The following CAMK1D variants were observed in gnomAD, a reference collection of about 807,000 sequenced individuals.
CAMK1D encodes the protein calcium/calmodulin dependent protein kinase ID.
A neutral mutation model predicts 47.7 loss-of-function variants in CAMK1D; 9 were observed. That is an observed-to-expected ratio of 0.19 (90% CI 0.11 to 0.33). The LOEUF is 0.33. Among genes scored for constraint, CAMK1D ranks in the 10% least tolerant of loss-of-function variants. CAMK1D has a pLI of 1.00. For synonymous variants in CAMK1D, 184 were observed against 184.9 expected, an observed-to-expected ratio of 0.99 and a Z score of 0.04; for missense variants, 291 against 488.7, an observed-to-expected ratio of 0.60 and a Z score of 3.81.
intron 1 of CAMK1D, among the ~76,000 whole-genome samples, chr10:12,451,913 G>A (rs1833094403): frequency 6.6e-6 from 1 of 152,166 alleles, no homozygotes; most frequent in African/African-American, 2.4e-5. Flanking sequence ...GACCACCGGG[G>A]TCCCAGGAAC....
intron 1 of CAMK1D, among the ~76,000 whole-genome samples, chr10:12,497,448 G>T (rs979223460): frequency 7.1e-6 from 1 of 140,722 alleles, no homozygotes; most frequent in Non-Finnish European, 1.5e-5. Context: ...CTGCACCTCA[G>T]CCTGGTGACG....
At chr10:12,699,786 C>G (rs1435820661) in intron 3 of CAMK1D, among the ~76,000 whole-genome samples, 1 of 151,996 alleles carries the variant, frequency 6.6e-6, no homozygotes, top group Non-Finnish European at 1.5e-5. Context: ...GGGGCATTGT[C>G]CACATAAACT....
At chr10:12,515,358 G>C (rs765312102) in intron 1 of CAMK1D, among the ~76,000 whole-genome samples, 2 of 149,412 alleles carry the variant, frequency 1.3e-5, no homozygotes, top group African/African-American at 4.9e-5. Context: ...CCGAAGCCTC[G>C]GCAGCCTTTC....
At chr10:12,615,149 G>A (rs1322113116) in intron 2 of CAMK1D, among the ~76,000 whole-genome samples, 1 of 152,202 alleles carries the variant, frequency 6.6e-6, no homozygotes, top group Non-Finnish European at 1.5e-5. Flanking sequence ...CCGGAGGATG[G>A]GCGAGAGGAG....
chr10:12,720,950 T>C (rs1476067957), intron 3 of CAMK1D, among the ~76,000 whole-genome samples: 1 of 152,174 alleles, frequency 6.6e-6, no homozygotes, highest in Non-Finnish European at 1.5e-5. Flanking sequence ...CTGGAATTGG[T>C]GAATCCATTC....
chr10:12,525,655 G>C (rs913658614), intron 1 of CAMK1D, among the ~76,000 whole-genome samples: 2 of 152,110 alleles, frequency 1.3e-5, no homozygotes, highest in African/African-American at 4.8e-5. Context: ...CTTTAAAGTT[G>C]TGTCTGATAA....
intron 1 of CAMK1D, among the ~76,000 whole-genome samples, chr10:12,434,112 A>G (rs1832563168): frequency 6.6e-6 from 1 of 152,256 alleles, no homozygotes; most frequent in South Asian, 2.1e-4. Context: ...CTGGGACTGC[A>G]GGAGCAATCC....
chr10:12,378,073 C>A (rs1028084247), intron 1 of CAMK1D, among the ~76,000 whole-genome samples: 3 of 152,180 alleles, frequency 2.0e-5, no homozygotes, highest in African/African-American at 7.2e-5. Flanking sequence ...GGCTGTGAGG[C>A]CTCGTTCCTC....
intron 1 of CAMK1D, among the ~76,000 whole-genome samples, chr10:12,517,226 G>A (rs1413335486): frequency 6.6e-6 from 1 of 152,134 alleles, no homozygotes; most frequent in Non-Finnish European, 1.5e-5. Context: ...TTATGTGTAT[G>A]CTGTGACCTT....
At chr10:12,741,316 G>A (rs1245792857) in intron 3 of CAMK1D, among the ~76,000 whole-genome samples, 4 of 152,240 alleles carry the variant, frequency 2.6e-5, no homozygotes, top group East Asian at 1.9e-4. Flanking sequence ...ACGAACCGCC[G>A]GGTTAGACCT....
intron 2 of CAMK1D, among the ~76,000 whole-genome samples, chr10:12,631,158 T>C (rs763851713): frequency 2.0e-5 from 3 of 152,186 alleles, no homozygotes. Flanking sequence ...GAGTTGAGAA[T>C]AGATACTTTA....
At chr10:12,724,747 C>A (rs1358766476) in intron 3 of CAMK1D, among the ~76,000 whole-genome samples, 1 of 152,120 alleles carries the variant, frequency 6.6e-6, no homozygotes, top group Non-Finnish European at 1.5e-5. Context: ...CAGCTCAGGG[C>A]AGCCTGAGTT....
At chr10:12,725,513 A>G (rs1834584729) in intron 3 of CAMK1D, among the ~76,000 whole-genome samples, 1 of 152,208 alleles carries the variant, frequency 6.6e-6, no homozygotes, top group African/African-American at 2.4e-5. Flanking sequence ...TTCTAAAAAG[A>G]TGATTTAGCC....
chr10:12,534,674 A>G lies in CAMK1D; in HGVS notation c.93-18551A>G, dbSNP rs567303121. On this transcript the variant is annotated intron_variant, in intron 1 of 10. Transcript: ENST00000619168. Reference sequence around the variant, plus strand: ...AGCCACAGCGCCTGGCCAAACCTCCACATTTTAATAGCTTAACAAAATAAG... The same window carrying G: ...AGCCACAGCGCCTGGCCAAACCTCCGCATTTTAATAGCTTAACAAAATAAG... Among the ~76,000 whole-genome samples the G allele has an allele frequency of 2.0e-5, 3 of 152,226 alleles. No individual in the cohort carries two copies. In the South Asian group the frequency reaches 6.2e-4, roughly 32 times the overall value.
intron 3 of CAMK1D, among the ~76,000 whole-genome samples, chr10:12,709,234 C>G (rs1833843821): frequency 6.6e-6 from 1 of 152,114 alleles, no homozygotes; most frequent in Non-Finnish European, 1.5e-5. Flanking sequence ...AACAAAAAGG[C>G]CTTGTGGGCT....
intron 3 of CAMK1D, among the ~76,000 whole-genome samples, chr10:12,755,227 G>C (rs1212061454): frequency 1.3e-5 from 2 of 152,188 alleles, no homozygotes; most frequent in African/African-American, 4.8e-5. Flanking sequence ...GTGGGTGAGG[G>C]AGTCCCTCCA....
intron 1 of CAMK1D, among the ~76,000 whole-genome samples, chr10:12,366,135 T>G (rs1164454078): frequency 6.6e-6 from 1 of 152,262 alleles, no homozygotes; most frequent in Non-Finnish European, 1.5e-5. Context: ...TGGGCAGGCT[T>G]CCTGTAGAAG....
chr10:12,617,356 A>C (rs1216243365), intron 2 of CAMK1D, among the ~76,000 whole-genome samples: 1 of 152,212 alleles, frequency 6.6e-6, no homozygotes, highest in Non-Finnish European at 1.5e-5. Flanking sequence ...TCATAACTCC[A>C]CTAGCCAGAA....
chr10:12,444,631 GC>G (rs1832878002), intron 1 of CAMK1D, among the ~76,000 whole-genome samples: 1 of 152,186 alleles, frequency 6.6e-6, no homozygotes, highest in Non-Finnish European at 1.5e-5. Flanking sequence ...ACAATTTGAA[GC>G]AGGGATTTCC....
Sources: allele counts gnomAD v4.1 joint callset (sites outside exome capture counted in the v4.1 genomes callset), GRCh38; gene constraint gnomAD v4.1.1; transcripts MANE v1.5; gene names NCBI Gene and HGNC (gene_info 2026-07-23, HGNC 2026-07-21).